Variants in PDPR observed in about 807,000 individuals in gnomAD.
PDPR encodes pyruvate dehydrogenase phosphatase regulatory subunit, also known as pyruvate dehydrogenase phosphatase regulatory subunit, mitochondrial.
Under a neutral mutation model 102.2 loss-of-function variants are expected in PDPR, and 50 were observed. The ratio of observed to expected loss-of-function variants is 0.49; its 90% CI spans 0.39 to 0.62. PDPR has a LOEUF of 0.62. Among genes scored for constraint, PDPR ranks in the 20% least tolerant of loss-of-function variants. PDPR has a pLI of 0.00. For missense variants in PDPR, 625 were observed against 1,098.2 expected, an observed-to-expected ratio of 0.57 and a Z score of 6.09; for synonymous variants, 259 against 406.0, an observed-to-expected ratio of 0.64 and a Z score of 4.35.
At position 70,130,388 on chromosome 16, in the gene PDPR, G is replaced by C. The variant is rs377071948; in HGVS notation, c.608-35G>C. 1.5e-4 allele frequency: 245 copies of C among 1,610,306 alleles called. No individual in the cohort carries two copies. In the Middle Eastern group the frequency reaches 4.5e-3, roughly 30 times the overall value. ...CACATGCCTTCATTCTGGAACATCA[G>C]ATGAAACACCAACTCTTTCTTTACC... On this transcript the variant is annotated intron_variant, in intron 6 of 18. Coordinates refer to ENST00000288050, the MANE Select transcript of PDPR (RefSeq NM_017990.5).
intron 2 of PDPR, among the ~76,000 whole-genome samples, chr16:70,119,190 G>A (rs916195363): frequency 2.2e-4 from 33 of 151,922 alleles, no homozygotes; most frequent in African/African-American, 8.0e-4. Context: ...TCCAAGGGCA[G>A]TGGTTCATGC....
chr16:70,138,986 C>T lies in PDPR; in HGVS notation c.1278C>T (p.Ser426=). 1.2e-6 allele frequency: 2 copies of T among 1,611,754 alleles called. No individual in the cohort carries two copies. The highest frequency in any genetic ancestry group is 2.2e-5 in the East Asian group (1 of 44,732). The part of the protein sequence containing the change: ...DLKRFGALQS[S]RTFLRHRVME... ...AACGTTTTGGAGCCCTCCAGAGCAG[C>T]CGCACCTTTCTGCGCCACCGGGTCA... The change falls in exon 11 of 19, where the codon AGC becomes AGT. Residue 426 remains serine, a synonymous_variant. Transcript: ENST00000288050.
At chr16:70,143,684 G>T in intron 14 of PDPR, 26 bp downstream of exon 14, 1 of 1,611,388 alleles carries the variant, frequency 6.2e-7, no homozygotes, top group Non-Finnish European at 8.5e-7. Context: ...GTCCCGCTCT[G>T]CTCCCTCCAA....
At chr16:70,128,936 T>C in intron 5 of PDPR, 23 bp from the exon 6 acceptor site, 1 of 1,613,466 alleles carries the variant, frequency 6.2e-7, no homozygotes, top group East Asian at 2.2e-5. Flanking sequence ...GTGAATGTCA[T>C]TGTCCCTTGT....
intron 3 of PDPR, among the ~76,000 whole-genome samples, chr16:70,124,883 A>C (rs1414810009): frequency 3.9e-5 from 6 of 152,272 alleles, no homozygotes; most frequent in Non-Finnish European, 8.8e-5. Context: ...ACTGAGTGAT[A>C]AATAATTTGG....
chr16:70,120,857 C>T (rs1963176018), intron 3 of PDPR, 138 bp downstream of exon 3: 1 of 630,224 alleles, frequency 1.6e-6, no homozygotes, highest in Non-Finnish European at 2.8e-6. Context: ...GGTGGAATCT[C>T]CTGAATTTTG....
At chr16:70,148,292 C>T (rs1167525334) in intron 16 of PDPR, among the ~76,000 whole-genome samples, 172 bp from the exon 17 acceptor site, 1 of 152,260 alleles carries the variant, frequency 6.6e-6, no homozygotes, top group Non-Finnish European at 1.5e-5. Context: ...GCTCCATTCT[C>T]TGTGCCTCAG....
chr16:70,141,183 A>T (rs1486921604), intron 11 of PDPR, among the ~76,000 whole-genome samples: 1 of 152,204 alleles, frequency 6.6e-6, no homozygotes, highest in African/African-American at 2.4e-5. Context: ...CCTCCCGAGT[A>T]GCTGGGATTA....
chr16:70,126,295 G>T (rs570165130), intron 3 of PDPR, among the ~76,000 whole-genome samples: 5 of 152,252 alleles, frequency 3.3e-5, no homozygotes, highest in Admixed American at 3.3e-4. Context: ...CACTGCAGCC[G>T]CAAACTTTTG....
intron 9 of PDPR, among the ~76,000 whole-genome samples, chr16:70,135,963 G>T (rs1965088943): frequency 6.6e-6 from 1 of 152,164 alleles, no homozygotes; most frequent in East Asian, 1.9e-4. Flanking sequence ...GAGCTAATTG[G>T]CAGGCTGAGG....
chr16:70,127,963 T>G lies in PDPR; in HGVS notation c.361+570T>G, dbSNP rs74024165. Among the ~76,000 whole-genome samples, 1,252 of 151,668 alleles carry G rather than the reference T, an allele frequency of 8.3e-3. 9 individuals carry two copies. The highest frequency in any genetic ancestry group is 0.029 in the African/African-American group (1,189 of 41,102). The stretch of plus-strand genomic sequence containing the variant: ...CAGCCTGGCGTGGCTGATGCTGCCC[T>G]TGAGATGGTGACCTCTAGTCATTCA... On this transcript the variant is annotated intron_variant, in intron 4 of 18. Coordinates refer to ENST00000288050, the MANE Select transcript of PDPR (RefSeq NM_017990.5).
chr16:70,154,356 A>T (rs1477924021), intron 18 of PDPR, among the ~76,000 whole-genome samples: 3 of 152,200 alleles, frequency 2.0e-5, no homozygotes, highest in Non-Finnish European at 4.4e-5. Flanking sequence ...TAAATAGATG[A>T]CACTTGGTCA....
chr16:70,130,621 G>A (rs1964446641), intron 7 of PDPR, 77 bp downstream of exon 7: 2 of 1,568,912 alleles, frequency 1.3e-6, no homozygotes, highest in Non-Finnish European at 1.7e-6. Flanking sequence ...AGTAAGATTA[G>A]TATTGTGATT....
intron 2 of PDPR, 133 bp from the exon 3 acceptor site, chr16:70,120,328 G>A (rs1346987356): frequency 4.9e-6 from 3 of 612,282 alleles, no homozygotes; most frequent in Non-Finnish European, 8.9e-6. Flanking sequence ...GGGATTACAG[G>A]TGTGAGGCAC....
chr16:70,116,133 A>G (rs1041012498), intron 2 of PDPR, among the ~76,000 whole-genome samples: 1 of 148,196 alleles, frequency 6.7e-6, no homozygotes, highest in Non-Finnish European at 1.5e-5. Context: ...TCACCCAGGC[A>G]GTGGCGCGAA....
At chr16:70,149,475 A>G (rs1966528926) in intron 17 of PDPR, among the ~76,000 whole-genome samples, 5 of 152,178 alleles carry the variant, frequency 3.3e-5, no homozygotes, top group Admixed American at 3.3e-4. Context: ...CATGTTGCCC[A>G]GGCTTGTTTC....
rs148060273 is a variant in PDPR, at chr16:70,149,447, G to C, written c.2052+894G>C. Reference sequence around the variant, plus strand: ...CGCCTGGCTAATTTTTGTATTTTTAGTACAGACGGGGCTTCACCATGTTGC... The same window carrying C: ...CGCCTGGCTAATTTTTGTATTTTTACTACAGACGGGGCTTCACCATGTTGC... On this transcript the variant is annotated intron_variant, in intron 17 of 18. Coordinates refer to ENST00000288050, the MANE Select transcript of PDPR (RefSeq NM_017990.5). 3.5e-3 allele frequency among the ~76,000 whole-genome samples: 538 copies of C among 151,926 alleles called. 2 individuals are homozygous for C. Among genetic ancestry groups the C allele is most frequent in the African/African-American group, 0.012 (504 of 41,378 alleles).
intron 11 of PDPR, among the ~76,000 whole-genome samples, chr16:70,140,464 C>T (rs1965594746): frequency 6.6e-6 from 1 of 152,236 alleles, no homozygotes; most frequent in African/African-American, 2.4e-5. Flanking sequence ...TGAGCTTCTG[C>T]TTGGTGATAT....
chr16:70,118,217 G>A (rs1195638216), intron 2 of PDPR, among the ~76,000 whole-genome samples: 1 of 152,230 alleles, frequency 6.6e-6, no homozygotes, highest in African/African-American at 2.4e-5. Context: ...GTGGGATCCA[G>A]GGCCCTTGGG....
Sources: allele counts gnomAD v4.1 joint callset (sites outside exome capture counted in the v4.1 genomes callset), GRCh38; gene constraint gnomAD v4.1.1; transcripts MANE v1.5; gene names NCBI Gene and HGNC (gene_info 2026-07-23, HGNC 2026-07-21).